The following DYNLT3 variants were observed in gnomAD, a reference collection of about 807,000 sequenced individuals.
DYNLT3 encodes the protein dynein light chain Tctex-type 3, also known as protein 91/23.
Under a neutral mutation model 11.0 loss-of-function variants are expected in DYNLT3, and 4 were observed. The observed-to-expected ratio is 0.36, with a 90% confidence interval of 0.18 to 0.83. DYNLT3 has a LOEUF of 0.83. DYNLT3 is among the 40% of genes least tolerant of loss of function. The pLI is 0.47. For missense variants in DYNLT3, 91 were observed against 91.1 expected (o/e 1.00, Z 0.01); for synonymous variants, 37 against 31.2 (o/e 1.18, Z -0.61).
intron 4 of DYNLT3, 53 bp from the exon 5 acceptor site, chrX:37,840,704 G>C: frequency 3.6e-6 from 3 of 839,858 alleles, no homozygotes; most frequent in East Asian, 3.6e-5. Flanking sequence ...AAAATTATCA[G>C]AGAATATATA....
At chrX:37,846,282 A>G in intron 2 of DYNLT3, 35 bp downstream of exon 2, 7 of 1,196,797 alleles carry the variant, frequency 5.8e-6, no homozygotes, top group Non-Finnish European at 7.9e-6. Flanking sequence ...CCACCAGTGC[A>G]GCAAGCTTCA....
At chrX:37,842,070 T>C (rs1378149549) in intron 2 of DYNLT3, among the ~76,000 whole-genome samples, 165 bp from the exon 3 acceptor site, 1 of 112,098 alleles carries the variant, frequency 8.9e-6, no homozygotes, top group Non-Finnish European at 1.9e-5. Flanking sequence ...ATGCACTGTC[T>C]CTAATTGCTT....
At chrX:37,846,892 C>A (rs1930276061) in intron 1 of DYNLT3, 1 of 759,300 alleles carries the variant, frequency 1.3e-6, no homozygotes, top group Non-Finnish European at 2.0e-6. Flanking sequence ...AGTGGTCTGA[C>A]AACTTAGTCT....
chrX:37,847,496 A>T lies in DYNLT3; in HGVS notation c.15T>A (p.His5Gln). MEEYHRHCDEVGFNA... is the reference protein window; with the variant it reads MEEYQRHCDEVGFNA... ...GGGGCGGTACCTCGTCGCAGTGGCG[A>T]TGGTACTCCTCCATGGTAGCGCCGG... The change falls in exon 1 of 5, where the codon CAT becomes CAA. Residue 5 changes from histidine (H) to glutamine (Q), a missense_variant. Coordinates refer to ENST00000378578, the MANE Select transcript of DYNLT3 (RefSeq NM_006520.3). 1.0e-6 allele frequency: 1 copy of T among 994,389 alleles called. No individual in the cohort carries two copies. Among genetic ancestry groups the T allele is most frequent in the Admixed American group, 5.0e-5 (1 of 19,989 alleles). 81.9% of individuals were successfully genotyped at this position (994,389 alleles called of 1,213,427 possible).
intron 2 of DYNLT3, among the ~76,000 whole-genome samples, chrX:37,843,283 T>C (rs1930206218): frequency 8.9e-6 from 1 of 112,487 alleles, no homozygotes; most frequent in African/African-American, 3.2e-5. Context: ...TATTCCTCTC[T>C]TGAGATCACC....
chrX:37,840,532 C>G lies in DYNLT3; in HGVS notation c.*43G>C. 8.9e-7 allele frequency: 1 copy of G among 1,128,428 alleles called. No homozygotes were observed. The highest frequency in any genetic ancestry group is 2.1e-5 in the South Asian group (1 of 47,446). The allele number at this position is 1,128,428 out of a possible 1,213,427, so 93.0% of individuals were successfully genotyped here. A position where few individuals can be genotyped will look rare whatever the true frequency, so the allele number is the denominator to read the frequency against. Reference sequence around the variant, plus strand: ...ACTCTTTTTGGAAAGGATACACTGACAAATTCTTAAGTTAATGGCTTTAGC... The same window carrying G: ...ACTCTTTTTGGAAAGGATACACTGAGAAATTCTTAAGTTAATGGCTTTAGC... On this transcript the variant is annotated 3_prime_UTR_variant, in exon 5 of 5. Coordinates refer to ENST00000378578, the MANE Select transcript of DYNLT3 (RefSeq NM_006520.3).
At chrX:37,842,597 C>T (rs890371039) in intron 2 of DYNLT3, among the ~76,000 whole-genome samples, 1 of 111,801 alleles carries the variant, frequency 8.9e-6, no homozygotes, top group Admixed American at 9.5e-5. Context: ...ATTAAAAGCA[C>T]TGGCTCTAGT....
At position 37,846,181 on chromosome X, in the gene DYNLT3, A is replaced by C. The variant is rs1023877190; in HGVS notation, c.72+136T>G. The C allele has an allele frequency of 4.3e-4, 283 of 662,005 alleles. 3 individuals carry two copies. Among genetic ancestry groups the C allele is most frequent in the Non-Finnish European group, 5.9e-5 (27 of 453,951 alleles). 54.6% of individuals were successfully genotyped at this position (662,005 alleles called of 1,213,427 possible). On this transcript the variant is annotated intron_variant, in intron 2 of 4. Coordinates refer to ENST00000378578, the MANE Select transcript of DYNLT3 (RefSeq NM_006520.3). ...GCGAGACTCCATCTCAAAAAACAAT[A>C]AAATAAAATAAAACAAAACAAAATA...
At chrX:37,840,889 T>G (rs1419436329) in intron 4 of DYNLT3, 139 bp downstream of exon 4, 2 of 623,985 alleles carry the variant, frequency 3.2e-6, no homozygotes, top group African/African-American at 4.5e-5. Flanking sequence ...TCTGAAGGTA[T>G]ACTTGTTACT....
intron 2 of DYNLT3, 47 bp from the exon 3 acceptor site, chrX:37,841,952 A>G: frequency 9.7e-7 from 1 of 1,035,173 alleles, no homozygotes; most frequent in Non-Finnish European, 1.3e-6. Flanking sequence ...AAATTGTTCA[A>G]AAAGAACAAT....
Position 37,841,906 on chromosome X carries a change from C to T in DYNLT3, c.73-1G>A. 9.0e-7 allele frequency: 1 copy of T among 1,111,235 alleles called. No homozygotes were observed. Among genetic ancestry groups the T allele is most frequent in the Non-Finnish European group, 1.2e-6 (1 of 832,193 alleles). 91.6% of individuals were successfully genotyped at this position (1,111,235 alleles called of 1,213,427 possible). A position where few individuals can be genotyped will look rare whatever the true frequency, so the allele number is the denominator to read the frequency against. ...CACCACCTAAAACCCCATCTACACACTAAAAGGGCACAGAGGGCAGTTAAT... is the reference window on the plus strand; with the variant it reads ...CACCACCTAAAACCCCATCTACACATTAAAAGGGCACAGAGGGCAGTTAAT... On this transcript the variant is annotated splice_acceptor_variant, in intron 2 of 4. Coordinates refer to ENST00000378578, the MANE Select transcript of DYNLT3 (RefSeq NM_006520.3). LOFTEE classifies it high-confidence loss of function.
rs768234757 is a variant in DYNLT3 at position 37,842,094 on chromosome X, G to A, written c.73-189C>T. Among the ~76,000 whole-genome samples, 5 of 111,990 alleles carry A rather than the reference G, an allele frequency of 4.5e-5. No homozygotes were observed. In the South Asian group the frequency reaches 1.9e-3, roughly 42 times the overall value. ...CTCTAATTGCTTAAGAGTTTTGAAA[G>A]AGTTTCCACTTGCATTATCTCACTC... On this transcript the variant is annotated intron_variant, in intron 2 of 4. Coordinates refer to ENST00000378578, the MANE Select transcript of DYNLT3 (RefSeq NM_006520.3).
chrX:37,840,723 T>TGTAC, intron 4 of DYNLT3, 72 bp from the exon 5 acceptor site: 1 of 415,076 alleles, frequency 2.4e-6, no homozygotes. Context: ...TATATATATA[T>TGTAC]ACACACACAC....
intron 4 of DYNLT3, 72 bp from the exon 5 acceptor site, chrX:37,840,723 T>C (rs112409649): frequency 0.018 from 7,042 of 401,705 alleles, 83 homozygotes; most frequent in African/African-American, 0.087. Context: ...TATATATATA[T>C]ACACACACAC....
At chrX:37,845,719 A>G (rs1930254990) in intron 2 of DYNLT3, among the ~76,000 whole-genome samples, 1 of 112,580 alleles carries the variant, frequency 8.9e-6, no homozygotes, top group African/African-American at 3.2e-5. Context: ...TTCTGGAATA[A>G]AAGTTATTTT....
At chrX:37,846,590 C>T (rs758079237) in intron 1 of DYNLT3, among the ~76,000 whole-genome samples, 2 of 111,258 alleles carry the variant, frequency 1.8e-5, no homozygotes, top group South Asian at 7.5e-4. Context: ...TAAAAAAGTG[C>T]TTTATACTGG....
intron 1 of DYNLT3, 110 bp downstream of exon 1, chrX:37,847,371 C>G: frequency 2.5e-5 from 24 of 975,576 alleles, no homozygotes; most frequent in Non-Finnish European, 3.0e-5. Context: ...GCTCGGAGGA[C>G]GCCGCACCCC....
chrX:37,840,789 C>CAT (rs747173927), intron 4 of DYNLT3, 138 bp from the exon 5 acceptor site: 126 of 246,080 alleles, frequency 5.1e-4, no homozygotes, highest in Middle Eastern at 3.2e-3. Context: ...CACACACACA[C>CAT]ATATATATAT....
rs747173927 is a variant in DYNLT3, at chrX:37,840,789, CATAT to C, written c.275-142_275-139del. The C allele has an allele frequency of 2.1e-3, 516 of 242,882 alleles. 1 individual carries two copies. Among genetic ancestry groups the C allele is most frequent in the East Asian group, 6.7e-3 (105 of 15,575 alleles). The allele number at this position is 242,882 out of a possible 1,213,427, so 20.0% of individuals were successfully genotyped here. On this transcript the variant is annotated intron_variant, in intron 4 of 4. Coordinates refer to ENST00000378578, the MANE Select transcript of DYNLT3 (RefSeq NM_006520.3). ...ACACACACACACACACACACACACA[CATAT>C]ATATATATATATATACACATACATT...
Sources: allele counts gnomAD v4.1 joint callset (sites outside exome capture counted in the v4.1 genomes callset), GRCh38; gene constraint gnomAD v4.1.1; transcripts MANE v1.5; gene names NCBI Gene and HGNC (gene_info 2026-07-23, HGNC 2026-07-21).